TCAIM: variants seen among roughly 807,000 people sequenced by gnomAD.
The protein encoded by TCAIM is T-cell activation inhibitor, mitochondrial.
In TCAIM, 36 loss-of-function variants were observed where a neutral mutation model predicts 58.6. The observed-to-expected ratio is 0.61, with a 90% CI of 0.47 to 0.81. TCAIM has a LOEUF of 0.81. Among genes scored for constraint, TCAIM ranks in the 30% least tolerant of loss-of-function variants. The pLI, the probability that TCAIM is intolerant of heterozygous loss-of-function variation, is 0.00. For missense variants in TCAIM, 466 were observed against 579.6 expected (o/e 0.80, Z 2.01); for synonymous variants, 172 against 193.6 (o/e 0.89, Z 0.93).
intron 5 of TCAIM, among the ~76,000 whole-genome samples, chr3:44,377,172 G>T (rs1158799427): frequency 1.3e-5 from 2 of 152,170 alleles, no homozygotes; most frequent in Non-Finnish European, 2.9e-5. Context: ...GGAGTTGAAA[G>T]TGAAAGGGTG....
At chr3:44,375,375 G>A (rs1701548792) in intron 5 of TCAIM, among the ~76,000 whole-genome samples, 1 of 152,054 alleles carries the variant, frequency 6.6e-6, no homozygotes, top group Admixed American at 6.6e-5. Flanking sequence ...ATGGTAGAAG[G>A]GAAAGAAGAA....
chr3:44,356,914 T>C (rs1206739302), intron 2 of TCAIM, among the ~76,000 whole-genome samples: 4 of 148,686 alleles, frequency 2.7e-5, no homozygotes, highest in Non-Finnish European at 6.0e-5. Flanking sequence ...AGGCAGAAGA[T>C]TGCATGCAGT....
At chr3:44,403,182 T>A (rs867917746) in intron 10 of TCAIM, among the ~76,000 whole-genome samples, 1 of 152,034 alleles carries the variant, frequency 6.6e-6, no homozygotes, top group Middle Eastern at 3.2e-3. Context: ...GACAGGAGAA[T>A]CACTTGAACC....
At chr3:44,367,983 G>A (rs1436858440) in intron 5 of TCAIM, 1 of 320,974 alleles carries the variant, frequency 3.1e-6, no homozygotes. Context: ...GCAGGAGATT[G>A]TTTTGTTTAA....
intron 2 of TCAIM, among the ~76,000 whole-genome samples, chr3:44,355,119 G>A (rs1400576851): frequency 6.6e-6 from 1 of 152,166 alleles, no homozygotes; most frequent in Non-Finnish European, 1.5e-5. Context: ...AGGGCACACA[G>A]TTTCTTTTCT....
intron 5 of TCAIM, among the ~76,000 whole-genome samples, chr3:44,389,494 G>A (rs899044677): frequency 6.6e-6 from 1 of 152,138 alleles, no homozygotes; most frequent in African/African-American, 2.4e-5. Flanking sequence ...CAGACATGAT[G>A]TGTCATTTGA....
chr3:44,359,955 G>T (rs1701268616), intron 3 of TCAIM, among the ~76,000 whole-genome samples: 1 of 152,082 alleles, frequency 6.6e-6, no homozygotes, highest in South Asian at 2.1e-4. Flanking sequence ...CCTCCTTTGT[G>T]TCAAGCCCTT....
At chr3:44,371,720 C>T (rs1701472874) in intron 5 of TCAIM, among the ~76,000 whole-genome samples, 1 of 152,158 alleles carries the variant, frequency 6.6e-6, no homozygotes, top group Non-Finnish European at 1.5e-5. Context: ...TTTCCCTAAG[C>T]ATGAGCATTG....
chr3:44,403,250 C>G (rs1360964477), intron 10 of TCAIM, among the ~76,000 whole-genome samples: 1 of 152,174 alleles, frequency 6.6e-6, no homozygotes, highest in African/African-American at 2.4e-5. Context: ...GCCTGGGCAA[C>G]AGAGCGAGAC....
At chr3:44,355,191 A>G (rs1417989221) in intron 2 of TCAIM, among the ~76,000 whole-genome samples, 1 of 152,218 alleles carries the variant, frequency 6.6e-6, no homozygotes, top group Non-Finnish European at 1.5e-5. Context: ...GGGGGAATAG[A>G]TACAATGCCT....
rs114470343 is a variant in TCAIM, at chr3:44,341,906, G to A, written c.-45+3072G>A. 4.0e-3 allele frequency among the ~76,000 whole-genome samples: 601 copies of A among 152,132 alleles called. 3 individuals are homozygous for A. The highest frequency in any genetic ancestry group is 0.017 in the Middle Eastern group (5 of 294). On this transcript the variant is annotated intron_variant, in intron 1 of 10. Coordinates refer to ENST00000342649, the MANE Select transcript of TCAIM (RefSeq NM_173826.4). ...CCACAGTGCTTAAACATCATTATTA[G>A]GTTCTAAATTAGATTTCACCTTTTA... is the stretch of plus-strand genomic sequence containing the variant.
intron 1 of TCAIM, among the ~76,000 whole-genome samples, chr3:44,343,067 G>A (rs1437350227): frequency 6.6e-6 from 1 of 151,894 alleles, no homozygotes; most frequent in Non-Finnish European, 1.5e-5. Context: ...AACCTGGGAG[G>A]CAGAGGTCGC....
At chr3:44,388,520 G>A (rs529015172) in intron 5 of TCAIM, among the ~76,000 whole-genome samples, 281 of 152,224 alleles carry the variant, frequency 1.8e-3, no homozygotes, top group African/African-American at 6.5e-3. Context: ...GGCATGTTAT[G>A]TTTATGTAAC....
In TCAIM at chr3:44,407,801, T is replaced by C. The variant is rs1245993569; in HGVS notation, c.*119T>C. 1 of 1,103,988 alleles carries C rather than the reference T, an allele frequency of 9.1e-7. No individual in the cohort carries two copies. The highest frequency in any genetic ancestry group is 2.1e-5 in the South Asian group (1 of 48,632). The allele number at this position is 1,103,988 out of a possible 1,614,324, so 68.4% of individuals were successfully genotyped here. A position where few individuals can be genotyped will look rare whatever the true frequency, so the allele number is the denominator to read the frequency against. On this transcript the variant is annotated 3_prime_UTR_variant, in exon 11 of 11. Transcript: ENST00000342649. ...TAAGAACAAAGTTTCTAACTGCTGCTTTAAAAGTAGACTTTTTTAAAAAAA... is the reference window on the plus strand; with the variant it reads ...TAAGAACAAAGTTTCTAACTGCTGCCTTAAAAGTAGACTTTTTTAAAAAAA...
At chr3:44,366,212 C>T (rs900570334) in intron 4 of TCAIM, among the ~76,000 whole-genome samples, 19 of 148,054 alleles carry the variant, frequency 1.3e-4, no homozygotes, top group Admixed American at 1.0e-3. Flanking sequence ...AAAAGCAAAC[C>T]AGTGGATTTT....
At chr3:44,399,353 G>A (rs1228832617) in intron 8 of TCAIM, among the ~76,000 whole-genome samples, 1 of 152,174 alleles carries the variant, frequency 6.6e-6, no homozygotes, top group East Asian at 1.9e-4. Flanking sequence ...TTGAAAAATA[G>A]GGAGTAAAAT....
intron 1 of TCAIM, chr3:44,340,972 G>A (rs548480125): frequency 1.3e-5 from 2 of 151,964 alleles, no homozygotes; most frequent in Non-Finnish European, 2.9e-5. Context: ...CATAGTACTC[G>A]GTTTTTCATT....
chr3:44,372,081 C>T (rs898163917), intron 5 of TCAIM, among the ~76,000 whole-genome samples: 15 of 136,488 alleles, frequency 1.1e-4, no homozygotes, highest in South Asian at 2.3e-4. Context: ...AAGGAAGATA[C>T]AGTATTAGCA....
chr3:44,407,418 A>G (rs780890949), intron 10 of TCAIM, 24 bp from the exon 11 acceptor site: 22 of 1,364,516 alleles, frequency 1.6e-5, no homozygotes, highest in Admixed American at 2.2e-5. Flanking sequence ...TCTTATGACA[A>G]TATTTTTATT....
Sources: gnomAD v4.1 joint callset for allele counts (sites outside exome capture counted in the v4.1 genomes callset) on GRCh38, gnomAD v4.1.1 for gene constraint, MANE v1.5 for transcripts, NCBI Gene and HGNC (gene_info 2026-07-23, HGNC 2026-07-21) for gene names.